Variants in RABEP1 observed in about 807,000 individuals in gnomAD.
RABEP1 encodes the protein rabaptin, RAB GTPase binding effector protein 1.
A neutral mutation model predicts 123.4 loss-of-function variants in RABEP1; 51 were observed. That is an observed-to-expected ratio of 0.41 (90% CI 0.33 to 0.52). The LOEUF (loss-of-function observed/expected upper bound fraction) is 0.52. Ranked by LOEUF, RABEP1 falls within the 20% of genes least tolerant of loss-of-function variation. The probability of loss-of-function intolerance (pLI) is 0.16; values close to 1 mark genes in which losing one functional copy is unlikely to be tolerated. For synonymous variants in RABEP1, 347 were observed against 355.2 expected (o/e 0.98, Z 0.26); for missense variants, 888 against 996.3 (o/e 0.89, Z 1.46).
At chr17:5,332,901 C>T (rs1016050813) in intron 3 of RABEP1, among the ~76,000 whole-genome samples, 4 of 151,738 alleles carry the variant, frequency 2.6e-5, no homozygotes, top group East Asian at 2.0e-4. Flanking sequence ...TGAGCCACAG[C>T]GCCTGGCCTG....
intron 8 of RABEP1, among the ~76,000 whole-genome samples, chr17:5,355,714 C>T (rs941979793): frequency 6.6e-6 from 1 of 152,044 alleles, no homozygotes; most frequent in African/African-American, 2.4e-5. Flanking sequence ...AATCTACATC[C>T]TGGTGGTTAT....
intron 11 of RABEP1, among the ~76,000 whole-genome samples, chr17:5,367,245 TAC>T (rs145302611): frequency 0.011 from 1,595 of 147,082 alleles, 10 homozygotes; most frequent in Middle Eastern, 0.024. Flanking sequence ...AGAACTTAGA[TAC>T]ACACACACAC....
chr17:5,329,019 C>CTTTTTTTTT (rs760060600), intron 2 of RABEP1, among the ~76,000 whole-genome samples: 7 of 110,658 alleles, frequency 6.3e-5, no homozygotes, highest in Admixed American at 1.0e-4. Context: ...TTCAGAAAGA[C>CTTTTTTTTT]TTTTTTTTTT....
At chr17:5,381,664 C>T (rs367662260) in intron 17 of RABEP1, 159 bp downstream of exon 17, 12 of 1,289,152 alleles carry the variant, frequency 9.3e-6, no homozygotes, top group East Asian at 5.4e-5. Context: ...AGCCAGAAAC[C>T]TGGTGTGTTC....
chr17:5,353,355 T>C (rs1908729198), intron 7 of RABEP1, among the ~76,000 whole-genome samples: 1 of 152,256 alleles, frequency 6.6e-6, no homozygotes, highest in Non-Finnish European at 1.5e-5. Context: ...AAATCAGTCA[T>C]TGTTTTTCTC....
intron 1 of RABEP1, among the ~76,000 whole-genome samples, chr17:5,294,155 T>TGGGA (rs2075058506): frequency 6.6e-6 from 1 of 152,060 alleles, no homozygotes; most frequent in Admixed American, 6.5e-5. Flanking sequence ...ATAAACCCTT[T>TGGGA]GGGAGGCTGA....
rs929440742 is a variant in RABEP1 at position 5,381,768 on chromosome 17, T to A, written c.2487+263T>A. On this transcript the variant is annotated intron_variant, in intron 17 of 17. Coordinates refer to ENST00000537505, the MANE Select transcript of RABEP1 (RefSeq NM_004703.6). ...GACTCCTTAGCATACCATGTAAGAC[T>A]CTTCCCAACCAGGCCCACCCCTGTA... is the stretch of plus-strand genomic sequence containing the variant. 2.0e-5 allele frequency: 6 copies of A among 307,336 alleles called. No homozygotes were observed. The South Asian group carries it at 5.8e-4, about 30-fold the overall frequency. The allele number at this position is 307,336 out of a possible 1,614,324, so 19.0% of individuals were successfully genotyped here.
At chr17:5,349,191 A>G (rs760386195) in intron 6 of RABEP1, among the ~76,000 whole-genome samples, 2 of 152,116 alleles carry the variant, frequency 1.3e-5, no homozygotes, top group Non-Finnish European at 2.9e-5. Flanking sequence ...GGAGAGCGGT[A>G]ATATTAGTTT....
intron 2 of RABEP1, among the ~76,000 whole-genome samples, chr17:5,331,368 T>A (rs1433407669): frequency 6.6e-6 from 1 of 152,204 alleles, no homozygotes; most frequent in Non-Finnish European, 1.5e-5. Context: ...ATACTGTTGA[T>A]AAGTTCATCT....
At chr17:5,317,488 C>G (rs2075309537) in intron 2 of RABEP1, among the ~76,000 whole-genome samples, 1 of 152,134 alleles carries the variant, frequency 6.6e-6, no homozygotes, top group African/African-American at 2.4e-5. Flanking sequence ...GACCAAATGC[C>G]TTTCCCCTAA....
At chr17:5,328,880 G>A (rs994465957) in intron 2 of RABEP1, among the ~76,000 whole-genome samples, 16 of 149,970 alleles carry the variant, frequency 1.1e-4, no homozygotes, top group South Asian at 2.1e-4. Flanking sequence ...GAACCTGGGC[G>A]GCAGAGGTTG....
intron 1 of RABEP1, among the ~76,000 whole-genome samples, chr17:5,293,854 T>C (rs1597327224): frequency 6.6e-6 from 1 of 152,372 alleles, no homozygotes; most frequent in East Asian, 1.9e-4. Flanking sequence ...AAATTTATTT[T>C]TAAACAGTGG....
rs1491508587 is a variant in RABEP1, at chr17:5,383,650, C to CAGTT, written c.*430_*433dup. 6 of 241,566 alleles carry CAGTT rather than the reference C, an allele frequency of 2.5e-5. No individual in the cohort carries two copies. Among genetic ancestry groups the CAGTT allele is most frequent in the African/African-American group, 4.4e-5 (2 of 45,368 alleles). 15.0% of individuals were successfully genotyped at this position (241,566 alleles called of 1,614,324 possible). A position where few individuals can be genotyped will look rare whatever the true frequency, so the allele number is the denominator to read the frequency against. On this transcript the variant is annotated 3_prime_UTR_variant, in exon 18 of 18. Transcript: ENST00000537505. ...TCTAGAGCTCATCAGTAACAGTATT[C>CAGTT]AGTTAGCAGACAGAAGTGTAGTATG...
chr17:5,376,965 C>T (rs1911042036), intron 13 of RABEP1, 151 bp from the exon 14 acceptor site: 2 of 730,926 alleles, frequency 2.7e-6, no homozygotes, highest in African/African-American at 3.6e-5. Flanking sequence ...TGACATGGCA[C>T]CTGCCCTGAA....
At chr17:5,301,331 A>C (rs2075133193) in intron 1 of RABEP1, among the ~76,000 whole-genome samples, 1 of 152,192 alleles carries the variant, frequency 6.6e-6, no homozygotes, top group African/African-American at 2.4e-5. Flanking sequence ...ACATGCCTGC[A>C]TTCTGGTTTT....
chr17:5,370,989 C>T lies in RABEP1; in HGVS notation c.1885-2325C>T, dbSNP rs150601700. Among the ~76,000 whole-genome samples, 851 of 149,666 alleles carry T rather than the reference C, an allele frequency of 5.7e-3. 7 individuals are homozygous for T. Among genetic ancestry groups the T allele is most frequent in the African/African-American group, 0.02 (794 of 40,490 alleles). On this transcript the variant is annotated intron_variant, in intron 12 of 17. Coordinates refer to ENST00000537505, the MANE Select transcript of RABEP1 (RefSeq NM_004703.6). ...TCTTTTTTTTTTTTTGTTTTTGAGA[C>T]GGAGTCTTGCTCTGTCGCCCAGGTT... is the stretch of plus-strand genomic sequence containing the variant.
chr17:5,338,187 A>G lies in RABEP1; in HGVS notation c.648+49A>G, dbSNP rs187354289. The G allele has an allele frequency of 8.0e-5, 124 of 1,551,240 alleles. No individual in the cohort carries two copies. The East Asian group carries it at 2.3e-3, about 28-fold the overall frequency. ...TGCTTGAAACCCAAGTTTCTGCCCCAATGCCATGAACAAAATTAGAATCAG... is the reference window on the plus strand; with the variant it reads ...TGCTTGAAACCCAAGTTTCTGCCCCGATGCCATGAACAAAATTAGAATCAG... On this transcript the variant is annotated intron_variant, in intron 5 of 17. Transcript: ENST00000537505.
chr17:5,372,721 G>A (rs928838229), intron 12 of RABEP1, among the ~76,000 whole-genome samples: 1 of 152,050 alleles, frequency 6.6e-6, no homozygotes, highest in African/African-American at 2.4e-5. Flanking sequence ...AGAGATCCTG[G>A]TCCTTCTGTA....
rs200004542 is a variant in RABEP1, at chr17:5,327,613, C to T, written c.164-4336C>T. ...TATGGATGGATTGGGGATGATTTGCCATGAGTGTATGGTTACTGGAGCTGG... is the reference window on the plus strand; with the variant it reads ...TATGGATGGATTGGGGATGATTTGCTATGAGTGTATGGTTACTGGAGCTGG... On this transcript the variant is annotated intron_variant, in intron 2 of 17. Coordinates refer to ENST00000537505, the MANE Select transcript of RABEP1 (RefSeq NM_004703.6). Among the ~76,000 whole-genome samples the T allele has an allele frequency of 9.9e-5, 15 of 152,126 alleles. 1 individual carries two copies. In the East Asian group the frequency reaches 2.7e-3, roughly 27 times the overall value.
Sources: gnomAD v4.1 joint callset for allele counts (sites outside exome capture counted in the v4.1 genomes callset) on GRCh38, gnomAD v4.1.1 for gene constraint, MANE v1.5 for transcripts, NCBI Gene and HGNC (gene_info 2026-07-23, HGNC 2026-07-21) for gene names.